ADAMTS2: variants seen among roughly 807,000 people sequenced by gnomAD.
ADAMTS2 encodes the protein A disintegrin and metalloproteinase with thrombospondin motifs 2.
Under a neutral mutation model 123.0 loss-of-function variants are expected in ADAMTS2, and 50 were observed. The ratio of observed to expected loss-of-function variants is 0.41; its 90% CI spans 0.32 to 0.51. ADAMTS2 has a LOEUF of 0.51. Ranked by LOEUF, ADAMTS2 falls within the 20% of genes least tolerant of loss-of-function variation. The pLI is 0.35. For synonymous variants in ADAMTS2, 678 were observed against 695.4 expected (o/e 0.98, Z 0.39); for missense variants, 1,494 against 1,705.2 (o/e 0.88, Z 2.18).
chr5:179,345,272 C>G lies in ADAMTS2; in HGVS notation c.57G>C (p.Leu19=). 8.6e-7 allele frequency: 1 copy of G among 1,158,892 alleles called. No homozygotes were observed. The highest frequency in any genetic ancestry group is 1.1e-6 in the Non-Finnish European group (1 of 945,914). The allele number at this position is 1,158,892 out of a possible 1,614,324, so 71.8% of individuals were successfully genotyped here. A position where few individuals can be genotyped will look rare whatever the true frequency, so the allele number is the denominator to read the frequency against. The change falls in exon 1 of 22, where the codon CTG becomes CTC. Residue 19 remains leucine, a synonymous_variant. Transcript: ENST00000251582. This position sits in a 1 kb window ranked among gnomAD's most constrained non-coding sequence, Gnocchi z 7.5. ...RRLLCPALLL[L]LLLLPPPLLP... is the part of the protein sequence containing the mutation. ...GGAGCGGCGGCGGCAGCAGCAGCAG[C>G]AGCAGCAGCAGCGCGGGGCAGAGCA... is the stretch of plus-strand genomic sequence containing the variant.
chr5:179,306,924 A>G (rs996858144), intron 2 of ADAMTS2, among the ~76,000 whole-genome samples: 3 of 152,174 alleles, frequency 2.0e-5, no homozygotes, highest in Non-Finnish European at 4.4e-5. Flanking sequence ...CAGGCCTGAC[A>G]GGAGCACAGC....
rs555069676 is a variant in ADAMTS2 at position 179,111,903 on chromosome 5, T to A, written c.*1964A>T. 2.0e-5 allele frequency: 3 copies of A among 152,356 alleles called. No homozygotes were observed. Among genetic ancestry groups the A allele is most frequent in the Admixed American group, 2.0e-4 (3 of 15,310 alleles). The allele number at this position is 152,356 out of a possible 1,614,324, so 9.4% of individuals were successfully genotyped here. On this transcript the variant is annotated 3_prime_UTR_variant, in exon 22 of 22. Transcript: ENST00000251582. ...AAACCACATCTTCTTAAGGAAGGGG[T>A]ACTATGAGAGATACTCAGAAAGGTT... is the stretch of plus-strand genomic sequence containing the variant.
rs962400548 is a variant in ADAMTS2, at chr5:179,117,039, T to TA, written c.3179-2716dup. ...AAACTGGCAGAAGGCTTTTCTCAGA[T>TA]AAAAATCTTACACAGGTGCCCAATA... On this transcript the variant is annotated intron_variant, in intron 21 of 21. Coordinates refer to ENST00000251582, the MANE Select transcript of ADAMTS2 (RefSeq NM_014244.5). This position sits in a 1 kb window ranked among gnomAD's most constrained non-coding sequence, Gnocchi z 4.2. Among the ~76,000 whole-genome samples, 26 of 152,270 alleles carry TA rather than the reference T, an allele frequency of 1.7e-4. No individual in the cohort carries two copies. The highest frequency in any genetic ancestry group is 6.3e-4 in the African/African-American group (26 of 41,552).
Position 179,207,430 on chromosome 5 carries a change from T to G in ADAMTS2, c.891+83A>C. On this transcript the variant is annotated intron_variant, in intron 4 of 21. Transcript: ENST00000251582. Reference sequence around the variant, plus strand: ...GAAATCGGCAGAGCCTCAGGGGACCTGGCCCAGCTGGGCCTCTCTGGCCTG... The same window carrying G: ...GAAATCGGCAGAGCCTCAGGGGACCGGGCCCAGCTGGGCCTCTCTGGCCTG... 9 of 1,448,424 alleles carry G rather than the reference T, an allele frequency of 6.2e-6. No individual in the cohort carries two copies. In the South Asian group the frequency reaches 1.0e-4, roughly 17 times the overall value. The allele number at this position is 1,448,424 out of a possible 1,614,324, so 89.7% of individuals were successfully genotyped here.
At chr5:179,176,732 G>A (rs549047985) in intron 5 of ADAMTS2, among the ~76,000 whole-genome samples, 25 of 152,246 alleles carry the variant, frequency 1.6e-4, no homozygotes, top group South Asian at 4.1e-4. Flanking sequence ...ACATGGGATC[G>A]TGTCACTGCT....
At chr5:179,305,396 G>A (rs1471800571) in intron 2 of ADAMTS2, among the ~76,000 whole-genome samples, 1 of 152,106 alleles carries the variant, frequency 6.6e-6, no homozygotes, top group Non-Finnish European at 1.5e-5. Flanking sequence ...TTCAGGGGAG[G>A]ACAGAGGGAC....
chr5:179,191,822 G>C (rs1764313349), intron 4 of ADAMTS2, among the ~76,000 whole-genome samples: 1 of 152,224 alleles, frequency 6.6e-6, no homozygotes, highest in South Asian at 2.1e-4. Context: ...GGTTAGAATG[G>C]AGAGGGATCT....
At chr5:179,235,426 A>G (rs468039) in intron 3 of ADAMTS2, among the ~76,000 whole-genome samples, 149,865 of 152,362 alleles carry the variant, frequency 0.98, 73,759 homozygotes, top group Middle Eastern at 1. Flanking sequence ...ATGGAGCCAG[A>G]TGCCAGCCTA....
rs560653318 is a variant in ADAMTS2 at position 179,155,349 on chromosome 5, G to A, written c.1133-430C>T. On this transcript the variant is annotated intron_variant, in intron 6 of 21. Coordinates refer to ENST00000251582, the MANE Select transcript of ADAMTS2 (RefSeq NM_014244.5). This position sits in a 1 kb window ranked among gnomAD's most constrained non-coding sequence, Gnocchi z 5.1. ...CTCTGCTAGAGGCATCCTGCCCCTC[G>A]TCTGCCTGGTATCACACCCTCCAAG... Among the ~76,000 whole-genome samples, 15 of 152,250 alleles carry A rather than the reference G, an allele frequency of 9.9e-5. No homozygotes were observed. In the East Asian group the frequency reaches 1.9e-3, roughly 20 times the overall value.
chr5:179,137,971 G>C (rs776717951), intron 11 of ADAMTS2, 27 bp from the exon 12 acceptor site: 1 of 1,539,692 alleles, frequency 6.5e-7, no homozygotes, highest in South Asian at 1.2e-5. Flanking sequence ...AGGCCTTGCC[G>C]CTCCGTGCCA....
chr5:179,322,436 C>T (rs895798984), intron 2 of ADAMTS2, among the ~76,000 whole-genome samples: 24 of 152,206 alleles, frequency 1.6e-4, no homozygotes, highest in Admixed American at 3.3e-4. Context: ...CTCCCTCCCC[C>T]ACCCAGGTCC....
intron 2 of ADAMTS2, among the ~76,000 whole-genome samples, chr5:179,301,864 C>T (rs889985708): frequency 1.7e-4 from 26 of 152,362 alleles, no homozygotes; most frequent in Middle Eastern, 3.4e-3. Flanking sequence ...GAGCCGGTGG[C>T]AGCAGGGCGT....
intron 1 of ADAMTS2, among the ~76,000 whole-genome samples, chr5:179,344,868 C>T (rs1368778618): frequency 1.3e-5 from 2 of 152,224 alleles, no homozygotes; most frequent in East Asian, 1.9e-4. Flanking sequence ...GGCGCCGCCT[C>T]GCCCTGGCTC....
intron 2 of ADAMTS2, among the ~76,000 whole-genome samples, chr5:179,336,873 G>C (rs763738219): frequency 5.9e-5 from 9 of 152,188 alleles, no homozygotes; most frequent in Non-Finnish European, 8.8e-5. Flanking sequence ...GGGTTAACCC[G>C]TGAAATGCAC....
intron 9 of ADAMTS2, 78 bp downstream of exon 9, chr5:179,153,413 T>C (rs1190778349): frequency 6.3e-7 from 1 of 1,591,268 alleles, no homozygotes. Context: ...GTCCTCACAC[T>C]GTCCCGGGAG....
At chr5:179,271,256 G>C (rs967289762) in intron 3 of ADAMTS2, among the ~76,000 whole-genome samples, 1 of 152,206 alleles carries the variant, frequency 6.6e-6, no homozygotes, top group African/African-American at 2.4e-5. Flanking sequence ...GCCATGTTCA[G>C]GAAGACAAGC....
At chr5:179,340,983 T>C (rs185237472) in intron 2 of ADAMTS2, among the ~76,000 whole-genome samples, 303 of 152,354 alleles carry the variant, frequency 2.0e-3, no homozygotes, top group Non-Finnish European at 3.7e-3. Context: ...CATTTTGCTG[T>C]GGATACTATG....
At chr5:179,198,936 G>C (rs377161703) in intron 4 of ADAMTS2, among the ~76,000 whole-genome samples, 25 of 152,318 alleles carry the variant, frequency 1.6e-4, no homozygotes, top group Middle Eastern at 3.4e-3. Flanking sequence ...TGCCCTCTTA[G>C]CACGGCTGGC....
chr5:179,142,932 G>A (rs1763194981), intron 10 of ADAMTS2, among the ~76,000 whole-genome samples: 1 of 152,194 alleles, frequency 6.6e-6, no homozygotes, highest in African/African-American at 2.4e-5. Flanking sequence ...ACAGGAAAGT[G>A]TGACCCATAC....
Sources: allele counts gnomAD v4.1 joint callset (sites outside exome capture counted in the v4.1 genomes callset), GRCh38; gene constraint gnomAD v4.1.1; non-coding constraint Gnocchi (gnomAD v3.1); transcripts MANE v1.5; gene names NCBI Gene and HGNC (gene_info 2026-07-23, HGNC 2026-07-21).